Variants in DDR2 observed in about 807,000 individuals in gnomAD.
DDR2 encodes the protein discoidin domain receptor tyrosine kinase 2, also known as discoidin domain-containing receptor 2.
DDR2 carries 27 observed loss-of-function variants against 94.9 expected under a neutral mutation model. The ratio of observed to expected loss-of-function variants is 0.28; its 90% CI spans 0.21 to 0.39. The LOEUF (loss-of-function observed/expected upper bound fraction) is 0.39. DDR2 is among the 10% of genes least tolerant of loss of function. The probability of loss-of-function intolerance (pLI) is 1.00; values close to 1 mark genes in which losing one functional copy is unlikely to be tolerated. For synonymous variants in DDR2, 382 were observed against 377.2 expected, an observed-to-expected ratio of 1.01 and a Z score of -0.15; for missense variants, 783 against 1,076.0, an observed-to-expected ratio of 0.73 and a Z score of 3.81.
chr1:162,700,740 T>C (rs1005517610), intron 2 of DDR2, among the ~76,000 whole-genome samples: 1 of 152,120 alleles, frequency 6.6e-6, no homozygotes, highest in Non-Finnish European at 1.5e-5. Flanking sequence ...CAGCAAGACT[T>C]TGGAAGAGGT....
Position 162,727,028 on chromosome 1 carries a change from T to C in DDR2, c.82+7883T>C, listed in dbSNP as rs1349318796. Among the ~76,000 whole-genome samples the C allele has an allele frequency of 2.0e-5, 3 of 147,270 alleles. No homozygotes were observed. In the East Asian group the frequency reaches 5.9e-4, roughly 29 times the overall value. On this transcript the variant is annotated intron_variant, in intron 3 of 17. Transcript: ENST00000367921. ...AAGGATATGAAACAAATATAATATA[T>C]ATGATAAAAATTATAAATATTATAA...
At chr1:162,679,166 GT>G (rs111682863) in intron 2 of DDR2, among the ~76,000 whole-genome samples, 16 of 149,000 alleles carry the variant, frequency 1.1e-4, no homozygotes, top group East Asian at 7.9e-4. Flanking sequence ...TACCCAATAG[GT>G]TTTTTTTTTC....
chr1:162,773,514 G>T lies in DDR2; in HGVS notation c.1774G>T (p.Asp592Tyr). 1 of 1,614,052 alleles carries T rather than the reference G, an allele frequency of 6.2e-7. No individual in the cohort carries two copies. Among genetic ancestry groups the T allele is most frequent in the East Asian group, 2.2e-5 (1 of 44,874 alleles). ...VEGMEKFKDK[D>Y]FALDVSANQP... is the part of the protein sequence containing the mutation. ...GGGAATGGAAAAATTCAAAGACAAA[G>T]ATTTTGCCCTAGATGTCAGTGCCAA... The change falls in exon 14 of 18, where the codon GAT becomes TAT. Residue 592 changes from aspartate (D) to tyrosine (Y), a missense_variant. Around this residue, in one of 2 missense-constraint regions of DDR2, gnomAD observed 264 missense variants for 428.2 expected, o/e 0.62. Coordinates refer to ENST00000367921, the MANE Select transcript of DDR2 (RefSeq NM_006182.4).
In DDR2 at chr1:162,717,176, C is replaced by T. The variant is rs183209297; in HGVS notation, c.-27-1861C>T. On this transcript the variant is annotated intron_variant, in intron 2 of 17. Transcript: ENST00000367921. ...TTAGCCTCCCAAGTAGCTGGGATTACAGGCACCCACCACCAAGCCTCGCTA... is the reference window on the plus strand; with the variant it reads ...TTAGCCTCCCAAGTAGCTGGGATTATAGGCACCCACCACCAAGCCTCGCTA... Among the ~76,000 whole-genome samples, 590 of 152,128 alleles carry T rather than the reference C, an allele frequency of 3.9e-3. 3 individuals are homozygous for T. Among genetic ancestry groups the T allele is most frequent in the African/African-American group, 0.013 (534 of 41,516 alleles).
Position 162,765,809 on chromosome 1 carries a change from A to G in DDR2, c.1100-192A>G, listed in dbSNP as rs899475925. Among the ~76,000 whole-genome samples the G allele has an allele frequency of 2.7e-5, 4 of 150,296 alleles. No homozygotes were observed. The East Asian group carries it at 5.8e-4, about 22-fold the overall frequency. On this transcript the variant is annotated intron_variant, in intron 9 of 17. Transcript: ENST00000367921. Reference sequence around the variant, plus strand: ...AATATGTGAAACAAAAATTTTACAAAGGAAAACTTGCTTTTACTATTTAGA... The same window carrying G: ...AATATGTGAAACAAAAATTTTACAAGGGAAAACTTGCTTTTACTATTTAGA...
intron 2 of DDR2, among the ~76,000 whole-genome samples, chr1:162,684,812 A>AACACACAC (rs56958157): frequency 0.039 from 5,423 of 137,958 alleles, 135 homozygotes; most frequent in Middle Eastern, 0.058. Context: ...CACACCCACC[A>AACACACAC]ACACACACAC....
Position 162,780,420 on chromosome 1 carries a change from C to A in DDR2, c.*174C>A, listed in dbSNP as rs1647836648. ...ACTCCCTACCCCTGACTCATATACA[C>A]TTTTTTTTTTTTTTACATTAAAGAA... On this transcript the variant is annotated 3_prime_UTR_variant, in exon 18 of 18. Transcript: ENST00000367921. 1.5e-6 allele frequency: 1 copy of A among 671,764 alleles called. No individual in the cohort carries two copies. Among genetic ancestry groups the A allele is most frequent in the African/African-American group, 1.9e-5 (1 of 52,386 alleles). 41.6% of individuals were successfully genotyped at this position (671,764 alleles called of 1,614,324 possible).
intron 2 of DDR2, among the ~76,000 whole-genome samples, chr1:162,711,757 T>C (rs1371291117): frequency 6.6e-6 from 1 of 152,144 alleles, no homozygotes; most frequent in Non-Finnish European, 1.5e-5. Flanking sequence ...ATCTATATCA[T>C]TTGAATATAT....
intron 2 of DDR2, among the ~76,000 whole-genome samples, chr1:162,689,310 C>T (rs532722334): frequency 4.6e-5 from 7 of 152,320 alleles, no homozygotes; most frequent in African/African-American, 1.7e-4. Context: ...GGCTAGTCCT[C>T]ACCACAACCC....
At chr1:162,690,347 C>A (rs890514123) in intron 2 of DDR2, among the ~76,000 whole-genome samples, 8 of 152,122 alleles carry the variant, frequency 5.3e-5, no homozygotes, top group Admixed American at 2.0e-4. Flanking sequence ...GGGTGGAAAG[C>A]TCACTGGTTT....
At position 162,692,632 on chromosome 1, in the gene DDR2, C is replaced by T. The variant is rs75783870; in HGVS notation, c.-27-26405C>T. Among the ~76,000 whole-genome samples the T allele has an allele frequency of 4.6e-3, 698 of 152,288 alleles. 4 individuals carry two copies. The highest frequency in any genetic ancestry group is 6.9e-3 in the Non-Finnish European group (466 of 68,024). ...ACTAAAGTGGCTGAAACCAAATAGA[C>T]TTGTATTACCAAGCATTGTTGAAGA... On this transcript the variant is annotated intron_variant, in intron 2 of 17. Transcript: ENST00000367921.
chr1:162,636,791 G>A (rs1449415657), intron 1 of DDR2, among the ~76,000 whole-genome samples: 1 of 152,076 alleles, frequency 6.6e-6, no homozygotes, highest in African/African-American at 2.4e-5. Context: ...GGCCTTAATA[G>A]CTTAGGTAGC....
At chr1:162,773,110 C>T (rs1647315321) in intron 13 of DDR2, among the ~76,000 whole-genome samples, 1 of 152,128 alleles carries the variant, frequency 6.6e-6, no homozygotes, top group Admixed American at 6.5e-5. Flanking sequence ...AGGAAATTGC[C>T]TTACGTTTTA....
chr1:162,749,020 A>G (rs556171356), intron 3 of DDR2, among the ~76,000 whole-genome samples: 14 of 152,370 alleles, frequency 9.2e-5, no homozygotes, highest in African/African-American at 2.9e-4. Context: ...ATAGAGGGAA[A>G]TTTATAGCAC....
chr1:162,696,082 C>G (rs914429088), intron 2 of DDR2, among the ~76,000 whole-genome samples: 2 of 152,068 alleles, frequency 1.3e-5, no homozygotes, highest in African/African-American at 4.8e-5. Flanking sequence ...TGACATAACC[C>G]ACTCATTATA....
At chr1:162,741,062 G>A (rs950471846) in intron 3 of DDR2, among the ~76,000 whole-genome samples, 2 of 151,768 alleles carry the variant, frequency 1.3e-5, no homozygotes, top group African/African-American at 4.8e-5. Context: ...CTTAATAGCT[G>A]TGGGCCTTCT....
chr1:162,657,585 T>C lies in DDR2; in HGVS notation c.-28+2211T>C, dbSNP rs573412585. The stretch of plus-strand genomic sequence containing the variant: ...GAAGGGTAACAACAGCCTTTGGAGA[T>C]TGAACTCCTGAATTCTGTTCAGTTG... On this transcript the variant is annotated intron_variant, in intron 2 of 17. Coordinates refer to ENST00000367921, the MANE Select transcript of DDR2 (RefSeq NM_006182.4). 5.9e-5 allele frequency among the ~76,000 whole-genome samples: 9 copies of C among 152,308 alleles called. No individual in the cohort carries two copies. In the East Asian group the frequency reaches 9.7e-4, roughly 16 times the overall value.
Position 162,761,325 on chromosome 1 carries a change from C to G in DDR2, c.970C>G (p.Leu324Val). The change falls in exon 9 of 18, where the codon CTG becomes GTG. Residue 324 changes from leucine to valine, a missense_variant. Physicochemically the swap from Leu to Val is conservative, Grantham distance 32. Coordinates refer to ENST00000367921, the MANE Select transcript of DDR2 (RefSeq NM_006182.4). ...TAATGCCATTTCCTTCCCCCTTGTC[C>G]TGGATGACGTCAACCCCAGTGCTCG... The part of the protein sequence containing the change: ...EPNAISFPLV[L>V]DDVNPSARFV... 2 of 1,614,200 alleles carry G rather than the reference C, an allele frequency of 1.2e-6. No individual in the cohort carries two copies. Among genetic ancestry groups the G allele is most frequent in the South Asian group, 2.2e-5 (2 of 91,082 alleles).
At chr1:162,779,128 G>T (rs1647754751) in intron 17 of DDR2, among the ~76,000 whole-genome samples, 1 of 152,174 alleles carries the variant, frequency 6.6e-6, no homozygotes, top group South Asian at 2.1e-4. Context: ...AAGAAATGGG[G>T]TTGGTTTTGA....
Sources: gnomAD v4.1 joint callset for allele counts (sites outside exome capture counted in the v4.1 genomes callset) on GRCh38, gnomAD v4.1.1 for gene constraint, gnomAD v4.1.1 regional missense constraint, MANE v1.5 for transcripts, NCBI Gene and HGNC (gene_info 2026-07-23, HGNC 2026-07-21) for gene names.